TLN2: variants seen among roughly 807,000 people sequenced by gnomAD.
The protein encoded by TLN2 is talin 2.
TLN2 carries 118 observed loss-of-function variants against 294.7 expected under a neutral mutation model. The observed-to-expected ratio is 0.40, with a 90% CI of 0.34 to 0.47. The LOEUF (loss-of-function observed/expected upper bound fraction) is 0.47. Among genes scored for constraint, TLN2 ranks in the 20% least tolerant of loss-of-function variants. The pLI is 0.84. For missense variants in TLN2, 3,083 were observed against 3,282.2 expected (o/e 0.94, Z 1.48); for synonymous variants, 1,431 against 1,304.5 (o/e 1.10, Z -2.09).
intron 52 of TLN2, among the ~76,000 whole-genome samples, chr15:62,812,950 A>T (rs2066807513): frequency 6.6e-6 from 1 of 152,232 alleles, no homozygotes; most frequent in Admixed American, 6.5e-5. Flanking sequence ...TGTCAACATC[A>T]GCCCTGATGG....
At chr15:62,445,742 C>T (rs1032745285) in intron 1 of TLN2, among the ~76,000 whole-genome samples, 2 of 151,944 alleles carry the variant, frequency 1.3e-5, no homozygotes, top group African/African-American at 4.8e-5. Context: ...CAGTTCACTG[C>T]ACCCTCGACT....
intron 1 of TLN2, among the ~76,000 whole-genome samples, chr15:62,566,286 C>T (rs936668925): frequency 8.6e-5 from 13 of 152,030 alleles, no homozygotes; most frequent in African/African-American, 3.1e-4. Context: ...GTTCATTTGG[C>T]AAACATTTTT....
intron 2 of TLN2, among the ~76,000 whole-genome samples, chr15:62,595,628 C>G (rs2140756325): frequency 6.6e-6 from 1 of 152,314 alleles, no homozygotes; most frequent in Non-Finnish European, 1.5e-5. Context: ...CATTGCAGCA[C>G]TGTTCACAGT....
At chr15:62,796,409 A>G in intron 47 of TLN2, 116 bp downstream of exon 47, 1 of 1,231,592 alleles carries the variant, frequency 8.1e-7, no homozygotes, top group African/African-American at 1.5e-5. Context: ...TGATTTCAAC[A>G]AGATGCACAA....
chr15:62,562,406 A>T (rs1362853734), intron 1 of TLN2, among the ~76,000 whole-genome samples: 1 of 152,106 alleles, frequency 6.6e-6, no homozygotes, highest in African/African-American at 2.4e-5. Flanking sequence ...GTTACTGCAG[A>T]ATCTGAAGGG....
rs1228519300 is a variant in TLN2 at position 62,407,151 on chromosome 15, T to C, written c.-238+16466T>C. 2.6e-5 allele frequency among the ~76,000 whole-genome samples: 4 copies of C among 152,260 alleles called. No homozygotes were observed. In the East Asian group the frequency reaches 7.8e-4, roughly 30 times the overall value. On this transcript the variant is annotated intron_variant, in intron 1 of 58. Coordinates refer to ENST00000636159, the MANE Select transcript of TLN2 (RefSeq NM_015059.3). ...CAGAATTCCACAGTTCCCTTAATTG[T>C]GGAATTCTGCACCTGGTGATTTTGT... is the stretch of plus-strand genomic sequence containing the variant.
At position 62,523,661 on chromosome 15, in the gene TLN2, A is replaced by G. The variant is rs77421181; in HGVS notation, c.-237-66026A>G. ...AAATGGGCAGAAAAATAAATAATAG[A>G]GAATAACTAGCTTGATCTAGTGGAC... On this transcript the variant is annotated intron_variant, in intron 1 of 58. Transcript: ENST00000636159. Among the ~76,000 whole-genome samples, 953 of 152,360 alleles carry G rather than the reference A, an allele frequency of 6.3e-3. 14 individuals carry two copies. Among genetic ancestry groups the G allele is most frequent in the African/African-American group, 0.022 (926 of 41,578 alleles).
At chr15:62,716,675 T>G (rs186217376) in intron 23 of TLN2, among the ~76,000 whole-genome samples, 1 of 152,348 alleles carries the variant, frequency 6.6e-6, no homozygotes, top group East Asian at 1.9e-4. Flanking sequence ...GAATAGAATT[T>G]AGACTCTTTT....
intron 9 of TLN2, among the ~76,000 whole-genome samples, chr15:62,659,630 A>G (rs2053601846): frequency 6.6e-6 from 1 of 152,198 alleles, no homozygotes; most frequent in African/African-American, 2.4e-5. Context: ...GAGTTAAGCA[A>G]TTGCATTGAG....
chr15:62,776,920 G>A lies in TLN2; in HGVS notation c.5514+10G>A. ...AGAAGCCATGAGCAAGGTGGGCATG[G>A]GCTCTAGGGCTCTCTACTCCCTTAT... On this transcript the variant is annotated intron_variant, in intron 43 of 58. Coordinates refer to ENST00000636159, the MANE Select transcript of TLN2 (RefSeq NM_015059.3). 1 of 1,511,836 alleles carries A rather than the reference G, an allele frequency of 6.6e-7. No homozygotes were observed. Among genetic ancestry groups the A allele is most frequent in the Non-Finnish European group, 8.9e-7 (1 of 1,123,968 alleles). 93.7% of individuals were successfully genotyped at this position (1,511,836 alleles called of 1,614,324 possible). A position where few individuals can be genotyped will look rare whatever the true frequency, so the allele number is the denominator to read the frequency against.
At chr15:62,772,314 A>G (rs1017620534) in intron 42 of TLN2, among the ~76,000 whole-genome samples, 1 of 152,184 alleles carries the variant, frequency 6.6e-6, no homozygotes, top group South Asian at 2.1e-4. Flanking sequence ...AGTTATTAAG[A>G]GCCTCATTCT....
At chr15:62,808,224 T>G (rs2066429110) in intron 51 of TLN2, among the ~76,000 whole-genome samples, 1 of 152,232 alleles carries the variant, frequency 6.6e-6, no homozygotes, top group South Asian at 2.1e-4. Flanking sequence ...CTAGTCTTAC[T>G]TTCATTTGCA....
chr15:62,580,845 C>T (rs1241534034), intron 1 of TLN2, among the ~76,000 whole-genome samples: 4 of 75,846 alleles, frequency 5.3e-5, no homozygotes, highest in Non-Finnish European at 1.4e-4. Context: ...TTCCTGCCTT[C>T]GCCCCGCCCC....
intron 2 of TLN2, among the ~76,000 whole-genome samples, chr15:62,604,012 G>T (rs953900632): frequency 6.6e-6 from 1 of 152,198 alleles, no homozygotes; most frequent in African/African-American, 2.4e-5. Flanking sequence ...AATGGGTGTG[G>T]CTGTGTTCCA....
At chr15:62,503,208 A>G (rs2039403376) in intron 1 of TLN2, among the ~76,000 whole-genome samples, 1 of 150,808 alleles carries the variant, frequency 6.6e-6, no homozygotes, top group African/African-American at 2.4e-5. Context: ...ATAATCTGTA[A>G]ATATAGAAAA....
intron 1 of TLN2, among the ~76,000 whole-genome samples, chr15:62,505,588 C>G (rs1203999375): frequency 6.6e-6 from 1 of 152,188 alleles, no homozygotes; most frequent in Non-Finnish European, 1.5e-5. Context: ...ATCTGGTAGC[C>G]TCAGGCTGGA....
At chr15:62,666,954 C>T (rs1205082102) in intron 9 of TLN2, among the ~76,000 whole-genome samples, 2 of 152,120 alleles carry the variant, frequency 1.3e-5, no homozygotes, top group African/African-American at 4.8e-5. Flanking sequence ...GAAGCCTGAA[C>T]ACTGGCATTT....
intron 37 of TLN2, chr15:62,758,591 CA>C (rs113839254): frequency 6.6e-6 from 1 of 152,312 alleles, no homozygotes; most frequent in African/African-American, 2.4e-5. Context: ...GGGGTTTTTG[CA>C]ATTAAGCACT....
At chr15:62,719,921 C>T (rs1207725896) in intron 25 of TLN2, 41 bp downstream of exon 25, 2 of 1,472,310 alleles carry the variant, frequency 1.4e-6, no homozygotes, top group Non-Finnish European at 1.8e-6. Flanking sequence ...TCAGAGCCCT[C>T]TTCTGGGCAG....
Sources: gnomAD v4.1 joint callset for allele counts (sites outside exome capture counted in the v4.1 genomes callset) on GRCh38, gnomAD v4.1.1 for gene constraint, MANE v1.5 for transcripts, NCBI Gene and HGNC (gene_info 2026-07-23, HGNC 2026-07-21) for gene names.